The following MGAT4C variants were observed in gnomAD, a reference collection of about 807,000 sequenced individuals.
The protein encoded by MGAT4C is alpha-1,3-mannosyl-glycoprotein 4-beta-N-acetylglucosaminyltransferase C.
Under a neutral mutation model 40.1 loss-of-function variants are expected in MGAT4C, and 19 were observed. The ratio of observed to expected loss-of-function variants is 0.47; its 90% CI spans 0.33 to 0.70. MGAT4C has a LOEUF of 0.70. Ranked by LOEUF, MGAT4C falls within the 30% of genes least tolerant of loss-of-function variation. The probability of loss-of-function intolerance (pLI) is 0.02; values close to 1 mark genes in which losing one functional copy is unlikely to be tolerated. For synonymous variants in MGAT4C, 181 were observed against 187.1 expected, an observed-to-expected ratio of 0.97 and a Z score of 0.27; for missense variants, 491 against 563.2, an observed-to-expected ratio of 0.87 and a Z score of 1.30.
At chr12:86,743,056 ATGTGTATGTGTGTATGCATG>A (rs1440259101) in intron 1 of MGAT4C, among the ~76,000 whole-genome samples, 3 of 144,292 alleles carry the variant, frequency 2.1e-5, no homozygotes, top group Non-Finnish European at 4.6e-5. Context: ...GCATGTGTGT[ATGTGTATGTGTGTATGCATG>A]TGTGTATGTG....
At position 86,513,794 on chromosome 12, in the gene MGAT4C, C is replaced by G. The variant is rs182029477; in HGVS notation, c.-228-78529G>C. On this transcript the variant is annotated intron_variant, in intron 2 of 7. Transcript: ENST00000548651. ...AATATTTACTTAAGGAAGACAATAA[C>G]AGAATCTTTGTAAGAAAAGTGAGTT... 1.6e-3 allele frequency among the ~76,000 whole-genome samples: 239 copies of G among 152,156 alleles called. 1 individual carries two copies. The highest frequency in any genetic ancestry group is 5.5e-3 in the African/African-American group (230 of 41,540).
At chr12:86,140,139 A>C (rs1435530204) in intron 1 of MGAT4C, among the ~76,000 whole-genome samples, 1 of 151,474 alleles carries the variant, frequency 6.6e-6, no homozygotes, top group African/African-American at 2.4e-5. Flanking sequence ...TCTTCCTGGA[A>C]CTCTTTAATT....
At chr12:86,419,906 C>T (rs1312118581) in intron 3 of MGAT4C, among the ~76,000 whole-genome samples, 1 of 152,102 alleles carries the variant, frequency 6.6e-6, no homozygotes, top group Admixed American at 6.6e-5. Context: ...GTGTTAAGTG[C>T]AGCAGCAAAG....
Position 86,008,797 on chromosome 12 carries a change from A to T in MGAT4C, c.-6-19245T>A, listed in dbSNP as rs115065675. 2.1e-3 allele frequency among the ~76,000 whole-genome samples: 322 copies of T among 152,224 alleles called. 2 individuals carry two copies. Among genetic ancestry groups the T allele is most frequent in the African/African-American group, 7.2e-3 (298 of 41,568 alleles). On this transcript the variant is annotated intron_variant, in intron 2 of 4. Transcript: ENST00000611864. ...CATTTGCTTCTATTCCTGGATTGAT[A>T]AGGTTTGATATTGAGAATAAGTGTG...
chr12:86,521,476 T>C (rs115886972), intron 2 of MGAT4C, among the ~76,000 whole-genome samples: 3,211 of 152,238 alleles, frequency 0.021, 112 homozygotes, highest in African/African-American at 0.073. Context: ...ACTGTAGCCC[T>C]GTAGTATAGT....
chr12:86,685,486 T>C (rs1950057819), intron 2 of MGAT4C, among the ~76,000 whole-genome samples: 1 of 152,146 alleles, frequency 6.6e-6, no homozygotes, highest in South Asian at 2.1e-4. Context: ...ATTTGTTCTT[T>C]TTGCTTAGGA....
chr12:86,413,439 A>T (rs1215040728), intron 3 of MGAT4C, among the ~76,000 whole-genome samples: 1 of 152,198 alleles, frequency 6.6e-6, no homozygotes, highest in Non-Finnish European at 1.5e-5. Context: ...ACAGAGCTAG[A>T]ATCATAAGTT....
At chr12:86,091,049 T>G (rs925912284) in intron 1 of MGAT4C, among the ~76,000 whole-genome samples, 1 of 151,822 alleles carries the variant, frequency 6.6e-6, no homozygotes, top group African/African-American at 2.4e-5. Context: ...CCAAGTGAAA[T>G]GAGAAAACAA....
rs950015209 is a variant in MGAT4C, at chr12:86,566,471, G to A, written c.-228-131206C>T. Among the ~76,000 whole-genome samples the A allele has an allele frequency of 9.1e-5, 13 of 143,048 alleles. No homozygotes were observed. The East Asian group carries it at 2.6e-3, about 28-fold the overall frequency. 93.8% of individuals were successfully genotyped at this position (143,048 alleles called of 152,430 possible). On this transcript the variant is annotated intron_variant, in intron 2 of 7. Coordinates refer to the MGAT4C transcript ENST00000548651. ...ACTGGCTCTCCTTGCTCCTCAGCCT[G>A]CAGATGGCCTCTTGTGGGACTTTGT...
At chr12:86,477,976 T>G (rs1957869201) in intron 2 of MGAT4C, among the ~76,000 whole-genome samples, 1 of 152,188 alleles carries the variant, frequency 6.6e-6, no homozygotes, top group Non-Finnish European at 1.5e-5. Context: ...ACATTTTCTT[T>G]TAAGAGCATT....
intron 1 of MGAT4C, among the ~76,000 whole-genome samples, chr12:86,138,083 G>A (rs866703937): frequency 6.6e-5 from 10 of 151,944 alleles, no homozygotes; most frequent in Non-Finnish European, 1.3e-4. Context: ...TGTGAATCAC[G>A]TTCTGAAAGG....
In MGAT4C at chr12:85,979,562, T is replaced by C. The variant is rs1023020351; in HGVS notation, c.1164A>G (p.Ile388Met). 6.2e-7 allele frequency: 1 copy of C among 1,607,732 alleles called. No individual in the cohort carries two copies. The highest frequency in any genetic ancestry group is 8.5e-7 in the Non-Finnish European group (1 of 1,177,468). Residue 388 changes from isoleucine (I) to methionine (M), a missense_variant, in exon 5 of 5, where the codon ATA (isoleucine) becomes ATG (methionine). By Grantham distance (10) the Ile-to-Met change is conservative. Transcript: ENST00000611864. ...CAGTATTTACTTTAATTTTTTTTATTATAATTGGATTTTCAAATACAATCA... is the reference window on the plus strand; with the variant it reads ...CAGTATTTACTTTAATTTTTTTTATCATAATTGGATTTTCAAATACAATCA... The part of the protein sequence containing the change: ...VFVIVFENPI[I>M]IKKIKVNTGT...
intron 1 of MGAT4C, among the ~76,000 whole-genome samples, chr12:86,137,520 T>G (rs1882141821): frequency 6.6e-6 from 1 of 152,354 alleles, no homozygotes; most frequent in East Asian, 1.9e-4. Flanking sequence ...ACTTCTTATA[T>G]AATCAGTCCT....
chr12:86,599,471 A>T (rs966317193), intron 2 of MGAT4C: 4 of 152,172 alleles, frequency 2.6e-5, no homozygotes, highest in Non-Finnish European at 5.9e-5. Context: ...ATTTTAAAAC[A>T]TTTTAAAGCA....
chr12:86,245,709 A>C (rs570675592), intron 1 of MGAT4C, among the ~76,000 whole-genome samples: 1 of 152,200 alleles, frequency 6.6e-6, no homozygotes, highest in Non-Finnish European at 1.5e-5. Context: ...TCCTAGGGTT[A>C]GTACTCAAAT....
intron 1 of MGAT4C, among the ~76,000 whole-genome samples, chr12:86,789,931 G>T (rs1003008421): frequency 6.6e-6 from 1 of 152,064 alleles, no homozygotes; most frequent in Non-Finnish European, 1.5e-5. Flanking sequence ...CATCTGTTAA[G>T]TTGCAGAATT....
At chr12:86,602,912 G>GTGTA (rs1491478911) in intron 2 of MGAT4C, among the ~76,000 whole-genome samples, 1 of 142,934 alleles carries the variant, frequency 7.0e-6, no homozygotes, top group Non-Finnish European at 1.5e-5. Flanking sequence ...GTGTGTGTGT[G>GTGTA]TAAAATGTAT....
At chr12:86,522,775 G>A (rs1958817323) in intron 2 of MGAT4C, among the ~76,000 whole-genome samples, 1 of 152,010 alleles carries the variant, frequency 6.6e-6, no homozygotes. Flanking sequence ...CAATTTTGGA[G>A]CTCATTATCG....
At chr12:86,281,228 G>A (rs1332368628) in intron 4 of MGAT4C, among the ~76,000 whole-genome samples, 1 of 151,498 alleles carries the variant, frequency 6.6e-6, no homozygotes, top group East Asian at 1.9e-4. Flanking sequence ...AATCATTTTT[G>A]TTAAAAATTT....
Sources: gnomAD v4.1 joint callset for allele counts (sites outside exome capture counted in the v4.1 genomes callset) on GRCh38, gnomAD v4.1.1 for gene constraint, MANE v1.5 for transcripts, NCBI Gene and HGNC (gene_info 2026-07-23, HGNC 2026-07-21) for gene names.